Variants in ASS1 observed in about 807,000 individuals in gnomAD.
ASS1 encodes argininosuccinate synthase 1.
A neutral mutation model predicts 60.5 loss-of-function variants in ASS1; 58 were observed. The observed-to-expected ratio is 0.96, with a 90% CI of 0.78 to 1.19. ASS1 has a LOEUF of 1.19. ASS1 is among the 50% of genes most tolerant of loss of function. The pLI, the probability that ASS1 is intolerant of heterozygous loss-of-function variation, is 0.00. For synonymous variants in ASS1, 200 were observed against 206.9 expected (o/e 0.97, Z 0.29); for missense variants, 454 against 547.3 (o/e 0.83, Z 1.70).
chr9:130,464,488 C>A lies in ASS1; in HGVS notation c.420+321C>A, dbSNP rs544068540. ...AGGCATGGCTCTGGCACCCCAGGTG[C>A]GGGCAGGGATGGCTCTGGCACCCCA... On this transcript the variant is annotated intron_variant, in intron 5 of 14. Transcript: ENST00000352480. 3.9e-5 allele frequency among the ~76,000 whole-genome samples: 6 copies of A among 152,086 alleles called. No individual in the cohort carries two copies. In the South Asian group the frequency reaches 1.2e-3, roughly 32 times the overall value.
At chr9:130,479,638 G>A in intron 9 of ASS1, 78 bp from the exon 10 acceptor site, 1 of 1,145,176 alleles carries the variant, frequency 8.7e-7, no homozygotes, top group African/African-American at 1.5e-5. Flanking sequence ...TCGGGAGGAG[G>A]GAGAGGGTGG....
rs1294265713 is a variant in ASS1, at chr9:130,495,740, C to A, written c.1127+717C>A. On this transcript the variant is annotated intron_variant, in intron 13 of 14. Coordinates refer to ENST00000352480, the MANE Select transcript of ASS1 (RefSeq NM_054012.4). ...AGGTGGAAGGGCACCTGTGGAAATG[C>A]GGTAGCTTGGACCATGCTGATGATT... 2.0e-5 allele frequency among the ~76,000 whole-genome samples: 3 copies of A among 151,972 alleles called. 1 individual carries two copies. The highest frequency in any genetic ancestry group is 7.3e-5 in the African/African-American group (3 of 41,344).
Position 130,476,531 on chromosome 9 carries a change from A to T in ASS1, c.598-340A>T, listed in dbSNP as rs1029223673. The stretch of plus-strand genomic sequence containing the variant: ...CGAGAGCGTGCGTGCCGCTCCTGGG[A>T]AGCCCTCGGAACGCCGCCTTGCTCC... On this transcript the variant is annotated intron_variant, in intron 8 of 14. Coordinates refer to ENST00000352480, the MANE Select transcript of ASS1 (RefSeq NM_054012.4). The surrounding 1 kb of genome is among the most constrained non-coding windows in gnomAD (Gnocchi z 4.9). 6.7e-6 allele frequency: 3 copies of T among 449,866 alleles called. No individual in the cohort carries two copies. In the Admixed American group the frequency reaches 1.0e-4, roughly 15 times the overall value. The allele number at this position is 449,866 out of a possible 1,614,324, so 27.9% of individuals were successfully genotyped here.
intron 4 of ASS1, among the ~76,000 whole-genome samples, chr9:130,462,817 A>G (rs1352842979): frequency 3.9e-5 from 6 of 152,150 alleles, no homozygotes; most frequent in African/African-American, 1.4e-4. Context: ...TGCTCAAAGG[A>G]TTCAGTGAGT....
chr9:130,475,825 C>T (rs1226118410), intron 8 of ASS1, among the ~76,000 whole-genome samples: 11 of 149,362 alleles, frequency 7.4e-5, no homozygotes, highest in African/African-American at 2.2e-4. Flanking sequence ...GGTGCAATCT[C>T]GGCTCACTGC....
At chr9:130,464,855 C>T (rs1845688648) in intron 5 of ASS1, among the ~76,000 whole-genome samples, 1 of 151,858 alleles carries the variant, frequency 6.6e-6, no homozygotes, top group Admixed American at 6.6e-5. Flanking sequence ...CATCCTTCAT[C>T]CAGTGTCTAC....
In ASS1 at chr9:130,489,738, C is replaced by G. The variant is rs1281038326; in HGVS notation, c.970+274C>G. ...CCCAAGGTGTCCGGCAGCTTCCACCCCCTACAGTTTGCATGACTGCAGCAA... is the reference window on the plus strand; with the variant it reads ...CCCAAGGTGTCCGGCAGCTTCCACCGCCTACAGTTTGCATGACTGCAGCAA... On this transcript the variant is annotated intron_variant, in intron 12 of 14. Coordinates refer to ENST00000352480, the MANE Select transcript of ASS1 (RefSeq NM_054012.4). The surrounding 1 kb of genome is among the most constrained non-coding windows in gnomAD (Gnocchi z 4.1). Among the ~76,000 whole-genome samples, 1 of 152,232 alleles carries G rather than the reference C, an allele frequency of 6.6e-6. No individual in the cohort carries two copies. Among genetic ancestry groups the G allele is most frequent in the Non-Finnish European group, 1.5e-5 (1 of 68,026 alleles).
At chr9:130,479,390 T>C (rs1846107202) in intron 9 of ASS1, among the ~76,000 whole-genome samples, 4 of 152,080 alleles carry the variant, frequency 2.6e-5, no homozygotes, top group African/African-American at 9.7e-5. Flanking sequence ...GCTCCCGGCG[T>C]AAGACAATGG....
chr9:130,461,473 C>G (rs537676488), intron 4 of ASS1, among the ~76,000 whole-genome samples: 43 of 152,020 alleles, frequency 2.8e-4, no homozygotes, highest in African/African-American at 9.2e-4. Flanking sequence ...AGAACGCCCC[C>G]CAAGCTAGTG....
Position 130,479,739 on chromosome 9 carries a change from G to A in ASS1, c.712G>A (p.Val238Ile), listed in dbSNP as rs368414392. The A allele has an allele frequency of 3.3e-5, 54 of 1,614,048 alleles. No homozygotes were observed. Among genetic ancestry groups the A allele is most frequent in the Non-Finnish European group, 4.4e-5 (52 of 1,180,030 alleles). The change falls in exon 10 of 15, where the codon GTC becomes ATC. Residue 238 changes from valine to isoleucine, a missense_variant. Physicochemically the swap from Val to Ile is conservative, Grantham distance 29. Coordinates refer to ENST00000352480, the MANE Select transcript of ASS1 (RefSeq NM_054012.4). ...AGGGGTCCCTGTGAAGGTGACCAAC[G>A]TCAAGGATGGCACCACCCACCAGAC... The part of the protein sequence containing the change: ...KKGVPVKVTN[V>I]KDGTTHQTSL...
At chr9:130,447,905 C>G (rs1442895119) in intron 1 of ASS1, among the ~76,000 whole-genome samples, 1 of 152,058 alleles carries the variant, frequency 6.6e-6, no homozygotes, top group African/African-American at 2.4e-5. Context: ...GGGCTCCTTC[C>G]CCCAGCATCT....
chr9:130,472,426 T>A (rs1845889994), intron 8 of ASS1, among the ~76,000 whole-genome samples: 1 of 152,148 alleles, frequency 6.6e-6, no homozygotes, highest in Non-Finnish European at 1.5e-5. Context: ...GCAGCCACCA[T>A]GTCTGGGGAG....
intron 12 of ASS1, among the ~76,000 whole-genome samples, chr9:130,490,674 A>C (rs11243523): frequency 3.7e-4 from 57 of 152,170 alleles, no homozygotes; most frequent in Non-Finnish European, 7.2e-4. Context: ...TTTCATGACA[A>C]ATTATATAAA....
At chr9:130,473,447 C>T (rs1199236959) in intron 8 of ASS1, among the ~76,000 whole-genome samples, 3 of 151,986 alleles carry the variant, frequency 2.0e-5, no homozygotes, top group Non-Finnish European at 4.4e-5. Flanking sequence ...GGGGAAACAT[C>T]GTTCCTGCTG....
intron 13 of ASS1, among the ~76,000 whole-genome samples, chr9:130,496,170 C>T (rs1302885411): frequency 6.6e-6 from 1 of 152,056 alleles, no homozygotes; most frequent in Non-Finnish European, 1.5e-5. Flanking sequence ...CCTGTAATCC[C>T]AACTCTTTGG....
chr9:130,468,080 T>C (rs1845788718), intron 6 of ASS1, among the ~76,000 whole-genome samples: 1 of 152,090 alleles, frequency 6.6e-6, no homozygotes, highest in African/African-American at 2.4e-5. Context: ...CTCCTGGAGA[T>C]GGGTTTCATC....
At chr9:130,485,440 C>T (rs1846285758) in intron 11 of ASS1, among the ~76,000 whole-genome samples, 1 of 151,168 alleles carries the variant, frequency 6.6e-6, no homozygotes, top group Admixed American at 6.6e-5. Flanking sequence ...AAAGGCCAAG[C>T]TGGGCACTTT....
At chr9:130,453,133 C>G (rs1204358514) in intron 2 of ASS1, among the ~76,000 whole-genome samples, 1 of 152,222 alleles carries the variant, frequency 6.6e-6, no homozygotes, top group Non-Finnish European at 1.5e-5. Context: ...CATGGTCACC[C>G]TCATAGCCCA....
At chr9:130,483,391 C>T in intron 11 of ASS1, among the ~76,000 whole-genome samples, 1 of 149,860 alleles carries the variant, frequency 6.7e-6, no homozygotes, top group Non-Finnish European at 1.5e-5. Flanking sequence ...CGCCAGTGCC[C>T]TGGGTCTGGG....
Sources: gnomAD v4.1 joint callset for allele counts (sites outside exome capture counted in the v4.1 genomes callset) on GRCh38, gnomAD v4.1.1 for gene constraint, Gnocchi (gnomAD v3.1) non-coding constraint, MANE v1.5 for transcripts, NCBI Gene and HGNC (gene_info 2026-07-23, HGNC 2026-07-21) for gene names.